Variants in TJP1 observed in about 807,000 individuals in gnomAD.
TJP1 encodes the protein tight junction protein ZO-1.
Under a neutral mutation model 194.2 loss-of-function variants are expected in TJP1, and 43 were observed. The ratio of observed to expected loss-of-function variants is 0.22; its 90% CI spans 0.17 to 0.29. The LOEUF (loss-of-function observed/expected upper bound fraction) is 0.29. TJP1 is among the 10% of genes least tolerant of loss of function. The probability of loss-of-function intolerance (pLI) is 1.00; values close to 1 mark genes in which losing one functional copy is unlikely to be tolerated. For missense variants in TJP1, 1,971 were observed against 2,185.7 expected, an observed-to-expected ratio of 0.90 and a Z score of 1.96; for synonymous variants, 801 against 779.0, an observed-to-expected ratio of 1.03 and a Z score of -0.47.
At position 29,718,252 on chromosome 15, in the gene TJP1, A is replaced by G. The variant is rs146623984; in HGVS notation, c.3876+14T>C. On this transcript the variant is annotated intron_variant, in intron 21 of 27. Transcript: ENST00000614355. ...GGTGTGCCCATGCATCCAAGGCACT[A>G]AAGACATATTTACCTTAAAACTGCC... 4.4e-6 allele frequency: 7 copies of G among 1,608,912 alleles called. No homozygotes were observed. The highest frequency in any genetic ancestry group is 5.9e-6 in the Non-Finnish European group (7 of 1,177,562).
At chr15:29,924,350 G>A (rs2054459852) in intron 2 of TJP1, among the ~76,000 whole-genome samples, 1 of 152,078 alleles carries the variant, frequency 6.6e-6, no homozygotes, top group Admixed American at 6.6e-5. Context: ...GGATTACACG[G>A]ATGAGCCACC....
chr15:29,845,351 C>G (rs1046047993), intron 2 of TJP1, among the ~76,000 whole-genome samples: 15 of 152,144 alleles, frequency 9.9e-5, no homozygotes, highest in Admixed American at 3.3e-4. Context: ...CTATTCATCC[C>G]AGGAAATCCA....
chr15:29,703,787 T>A (rs1397035897), intron 27 of TJP1, among the ~76,000 whole-genome samples: 1 of 151,798 alleles, frequency 6.6e-6, no homozygotes, highest in Non-Finnish European at 1.5e-5. Flanking sequence ...GGATTACAGG[T>A]GTGTGCCACC....
intron 2 of TJP1, among the ~76,000 whole-genome samples, chr15:29,891,219 G>A (rs1433603620): frequency 6.6e-6 from 1 of 152,218 alleles, no homozygotes; most frequent in African/African-American, 2.4e-5. Context: ...TCAACAGGTA[G>A]TAGGAGCATC....
At chr15:29,764,195 G>T (rs965403303) in intron 5 of TJP1, among the ~76,000 whole-genome samples, 8 of 152,108 alleles carry the variant, frequency 5.3e-5, no homozygotes, top group African/African-American at 1.9e-4. Context: ...GAAACACAAG[G>T]GTTCTTCACT....
Position 29,949,859 on chromosome 15 carries a change from A to T in TJP1, c.306+6373T>A, listed in dbSNP as rs935189344. 4.0e-3 allele frequency among the ~76,000 whole-genome samples: 115 copies of T among 28,840 alleles called. 3 individuals carry two copies. The highest frequency in any genetic ancestry group is 0.025 in the Middle Eastern group (1 of 40). 18.9% of individuals were successfully genotyped at this position (28,840 alleles called of 152,430 possible). ...CACCTCCACAACCACCACCTCCACAACCACCACCTCCACCTCCACAACCAC... is the reference window on the plus strand; with the variant it reads ...CACCTCCACAACCACCACCTCCACATCCACCACCTCCACCTCCACAACCAC... On this transcript the variant is annotated intron_variant, in intron 2 of 28. Transcript: ENST00000356107.
At chr15:29,725,219 T>C (rs753649835) in intron 18 of TJP1, among the ~76,000 whole-genome samples, 8 of 152,228 alleles carry the variant, frequency 5.3e-5, no homozygotes, top group Non-Finnish European at 8.8e-5. Context: ...AGAGTGGTCT[T>C]AGGCTCTCGT....
At chr15:29,798,275 T>G (rs1329721484) in intron 2 of TJP1, among the ~76,000 whole-genome samples, 6 of 151,814 alleles carry the variant, frequency 4.0e-5, no homozygotes, top group Non-Finnish European at 8.8e-5. Flanking sequence ...CCAGCGTTTT[T>G]TTTTTTTTTT....
At chr15:29,795,316 G>A (rs780569430) in intron 2 of TJP1, among the ~76,000 whole-genome samples, 6 of 151,478 alleles carry the variant, frequency 4.0e-5, no homozygotes, top group Non-Finnish European at 8.8e-5. Flanking sequence ...CCAGCTACTC[G>A]AGAGGCTGAG....
At chr15:29,821,548 C>T (rs1018656881) in intron 1 of TJP1, 7 of 152,198 alleles carry the variant, frequency 4.6e-5, no homozygotes, top group African/African-American at 1.7e-4. Flanking sequence ...ATCGAAACTA[C>T]AGGGTTTCGC....
At chr15:29,909,133 G>T (rs2053930091) in intron 2 of TJP1, among the ~76,000 whole-genome samples, 1 of 148,356 alleles carries the variant, frequency 6.7e-6, no homozygotes, top group Non-Finnish European at 1.5e-5. Flanking sequence ...CTCCAGCCTG[G>T]GGAACAGAGG....
At position 29,956,230 on chromosome 15, in the gene TJP1, A is replaced by C; in HGVS notation, c.306+2T>G. On this transcript the variant is annotated splice_donor_variant, in intron 2 of 28. Transcript: ENST00000356107. LOFTEE classifies it high-confidence loss of function. The stretch of plus-strand genomic sequence containing the variant: ...GAGAAAAGCATTGATCAGTCCACTT[A>C]CAGTGAGCTCACAGAAATCCATGCT... The C allele has an allele frequency of 7.8e-7, 1 of 1,285,972 alleles. No individual in the cohort carries two copies. Among genetic ancestry groups the C allele is most frequent in the Non-Finnish European group, 1.0e-6 (1 of 987,188 alleles). 79.7% of individuals were successfully genotyped at this position (1,285,972 alleles called of 1,614,324 possible). A position where few individuals can be genotyped will look rare whatever the true frequency, so the allele number is the denominator to read the frequency against.
intron 2 of TJP1, among the ~76,000 whole-genome samples, chr15:29,793,492 C>T (rs764835499): frequency 2.0e-5 from 3 of 152,108 alleles, no homozygotes; most frequent in Admixed American, 6.5e-5. Flanking sequence ...TTCATTGGCT[C>T]ACTATTCTGC....
intron 2 of TJP1, among the ~76,000 whole-genome samples, chr15:29,782,273 C>G (rs1482039081): frequency 1.3e-5 from 2 of 152,112 alleles, no homozygotes; most frequent in Non-Finnish European, 2.9e-5. Flanking sequence ...AAGCTGGAGG[C>G]ATTAGGTTAC....
intron 1 of TJP1, 140 bp downstream of exon 1, chr15:29,821,862 C>A: frequency 1.2e-6 from 1 of 841,758 alleles, no homozygotes; most frequent in Non-Finnish European, 1.4e-6. Context: ...CGGCCCGCGG[C>A]CCCGCGCCAG....
At chr15:29,965,368 C>G (rs1324126189) in intron 1 of TJP1, among the ~76,000 whole-genome samples, 1 of 152,056 alleles carries the variant, frequency 6.6e-6, no homozygotes, top group African/African-American at 2.4e-5. Flanking sequence ...CACCACCATG[C>G]CTGGCTAATT....
At chr15:29,939,471 C>G (rs1567214288) in intron 2 of TJP1, among the ~76,000 whole-genome samples, 1 of 152,146 alleles carries the variant, frequency 6.6e-6, no homozygotes. Flanking sequence ...GAGCCTACAC[C>G]TGATTTACCA....
Position 29,864,159 on chromosome 15 carries a change from C to T in TJP1, c.307-63457G>A, listed in dbSNP as rs562565275. The stretch of plus-strand genomic sequence containing the variant: ...CTGTAATCTCAGCACTTCGGGAGGC[C>T]GAGGCGGGTGGATCACAAGGTGAGG... On this transcript the variant is annotated intron_variant, in intron 2 of 28. Coordinates refer to the TJP1 transcript ENST00000356107. Among the ~76,000 whole-genome samples, 756 of 146,692 alleles carry T rather than the reference C, an allele frequency of 5.2e-3. 9 individuals are homozygous for T. The highest frequency in any genetic ancestry group is 0.018 in the African/African-American group (723 of 39,608).
Position 29,757,582 on chromosome 15 carries a change from G to A in TJP1, c.1010+3557C>T, listed in dbSNP as rs539886699. 4.6e-5 allele frequency among the ~76,000 whole-genome samples: 7 copies of A among 152,192 alleles called. No homozygotes were observed. The South Asian group carries it at 1.2e-3, about 27-fold the overall frequency. Reference sequence around the variant, plus strand: ...TACAGGATTTGAAGATTCAACTTTGGGGTGGAAATGAAACCTTTAAGCAAC... The same window carrying A: ...TACAGGATTTGAAGATTCAACTTTGAGGTGGAAATGAAACCTTTAAGCAAC... On this transcript the variant is annotated intron_variant, in intron 8 of 27. Transcript: ENST00000614355.
Sources: allele counts gnomAD v4.1 joint callset (sites outside exome capture counted in the v4.1 genomes callset), GRCh38; gene constraint gnomAD v4.1.1; transcripts MANE v1.5; gene names NCBI Gene and HGNC (gene_info 2026-07-23, HGNC 2026-07-21).